NOMO1: variants seen among roughly 807,000 people sequenced by gnomAD.
NOMO1 encodes nodal modulator 3.
A neutral mutation model predicts 133.8 loss-of-function variants in NOMO1; 40 were observed. That is an observed-to-expected ratio of 0.30 (90% CI 0.23 to 0.39). The LOEUF is 0.39. Ranked by LOEUF, NOMO1 falls within the 10% of genes least tolerant of loss-of-function variation. The probability of loss-of-function intolerance (pLI) is 1.00; values close to 1 mark genes in which losing one functional copy is unlikely to be tolerated. For missense variants in NOMO1, 462 were observed against 1,419.9 expected, an observed-to-expected ratio of 0.33 and a Z score of 10.84; for synonymous variants, 236 against 570.5, an observed-to-expected ratio of 0.41 and a Z score of 8.36.
At chr16:14,878,130 C>A (rs962533143) in intron 22 of NOMO1, among the ~76,000 whole-genome samples, 3 of 151,088 alleles carry the variant, frequency 2.0e-5, no homozygotes, top group African/African-American at 4.9e-5. Flanking sequence ...TTCACCTCCT[C>A]CACCCACTCA....
intron 4 of NOMO1, among the ~76,000 whole-genome samples, chr16:14,846,303 A>T (rs1423892583): frequency 6.6e-6 from 1 of 151,396 alleles, no homozygotes; most frequent in Non-Finnish European, 1.5e-5. Context: ...CTAGGATTAC[A>T]GGCGTGAACC....
intron 9 of NOMO1, among the ~76,000 whole-genome samples, chr16:14,855,976 G>GA (rs1396458316): frequency 1.3e-5 from 2 of 150,608 alleles, no homozygotes; most frequent in South Asian, 2.1e-4. Flanking sequence ...ACCATTTGCT[G>GA]AAAAAAAAAT....
At chr16:14,839,811 G>A (rs1597090841) in intron 2 of NOMO1, among the ~76,000 whole-genome samples, 1 of 150,748 alleles carries the variant, frequency 6.6e-6, no homozygotes. Flanking sequence ...GCGCGATCTC[G>A]GCTCACTGCA....
intron 25 of NOMO1, 71 bp from the exon 26 acceptor site, chr16:14,882,523 A>G: frequency 6.2e-7 from 1 of 1,610,598 alleles, no homozygotes; most frequent in East Asian, 2.2e-5. Flanking sequence ...CGTGCAGCCA[A>G]ACCAGGCTTG....
Position 14,866,697 on chromosome 16 carries a change from T to C in NOMO1, c.1806+6T>C. ...TGTCTCACGCCATCACTCTGGTATGTACGGCTTATTGAGTCTCTTATTTGG... is the reference window on the plus strand; with the variant it reads ...TGTCTCACGCCATCACTCTGGTATGCACGGCTTATTGAGTCTCTTATTTGG... On this transcript the variant is annotated splice_donor_region_variant and intron_variant, in intron 15 of 30. Coordinates refer to ENST00000287667, the MANE Select transcript of NOMO1 (RefSeq NM_014287.4). 1 of 1,610,024 alleles carries C rather than the reference T, an allele frequency of 6.2e-7. No homozygotes were observed. The highest frequency in any genetic ancestry group is 8.5e-7 in the Non-Finnish European group (1 of 1,179,674).
At position 14,894,985 on chromosome 16, in the gene NOMO1, T is replaced by C. The variant is rs757938948; in HGVS notation, c.3445-13T>C. On this transcript the variant is annotated splice_polypyrimidine_tract_variant and intron_variant, in intron 29 of 30. Coordinates refer to ENST00000287667, the MANE Select transcript of NOMO1 (RefSeq NM_014287.4). ...GCCTTGGTGAGGAGTGATGGGGCTC[T>C]CGGTGTTTGCAGAGGAAGCTGCCTG... 6.2e-7 allele frequency: 1 copy of C among 1,611,770 alleles called. No homozygotes were observed. Among genetic ancestry groups the C allele is most frequent in the Non-Finnish European group, 8.5e-7 (1 of 1,179,790 alleles).
At position 14,886,746 on chromosome 16, in the gene NOMO1, T is replaced by C. The variant is rs1157547611; in HGVS notation, c.3223-15T>C. 6.2e-7 allele frequency: 1 copy of C among 1,611,140 alleles called. No individual in the cohort carries two copies. The highest frequency in any genetic ancestry group is 1.1e-5 in the South Asian group (1 of 90,918). On this transcript the variant is annotated splice_polypyrimidine_tract_variant and intron_variant, in intron 27 of 30. Transcript: ENST00000287667. ...TTCAGTTTCAAAGCATGTCTGACTT[T>C]GTTTCTCCCTCCAGGTCAAGCTTTA...
rs1964488130 is a variant in NOMO1 at position 14,895,747 on chromosome 16, CTT to C, written c.*103_*104del. 6.2e-7 allele frequency: 1 copy of C among 1,610,288 alleles called. No individual in the cohort carries two copies. The highest frequency in any genetic ancestry group is 1.3e-5 in the African/African-American group (1 of 74,686). ...AAAGCCAAAAGCATGCGTCAGCTAA[CTT>C]CAGCCTGTGCTGCTGGGCCCGCACC... On this transcript the variant is annotated 3_prime_UTR_variant, in exon 31 of 31. Transcript: ENST00000287667.
At chr16:14,862,107 A>T (rs985462089) in intron 11 of NOMO1, among the ~76,000 whole-genome samples, 2 of 151,742 alleles carry the variant, frequency 1.3e-5, no homozygotes, top group African/African-American at 4.9e-5. Context: ...CCAACATTTA[A>T]TGTACCCCTA....
At chr16:14,849,978 C>T (rs1963733837) in intron 6 of NOMO1, among the ~76,000 whole-genome samples, 1 of 146,646 alleles carries the variant, frequency 6.8e-6, no homozygotes, top group African/African-American at 2.6e-5. Flanking sequence ...TGGCTCATTG[C>T]AGCCTCTGGT....
chr16:14,838,601 G>T (rs1027661982), intron 2 of NOMO1, 105 bp downstream of exon 2: 6 of 1,137,338 alleles, frequency 5.3e-6, no homozygotes, highest in Non-Finnish European at 6.3e-6. Context: ...CATCTGTTTT[G>T]TAAATTATTA....
Position 14,867,680 on chromosome 16 carries a change from G to A in NOMO1, c.1807-868G>A, listed in dbSNP as rs571720876. Among the ~76,000 whole-genome samples, 202 of 148,716 alleles carry A rather than the reference G, an allele frequency of 1.4e-3. 1 individual carries two copies. The highest frequency in any genetic ancestry group is 3.3e-3 in the African/African-American group (133 of 40,542). On this transcript the variant is annotated intron_variant, in intron 15 of 30. Transcript: ENST00000287667. ...ATGTCGAGCGGCGGCAGATGTCATC[G>A]TCAGGTCTTAGTTTCTCTGTAGAGA...
At chr16:14,850,061 G>GC (rs1478679200) in intron 6 of NOMO1, among the ~76,000 whole-genome samples, 1 of 151,242 alleles carries the variant, frequency 6.6e-6, no homozygotes, top group Non-Finnish European at 1.5e-5. Flanking sequence ...ACTGCCCCTA[G>GC]CTAAGGATAC....
chr16:14,878,021 G>T (rs1418825580), intron 22 of NOMO1, among the ~76,000 whole-genome samples: 4 of 149,066 alleles, frequency 2.7e-5, no homozygotes, highest in Non-Finnish European at 4.5e-5. Context: ...CTATGCAGTA[G>T]TTAAGAAACA....
intron 29 of NOMO1, among the ~76,000 whole-genome samples, chr16:14,892,405 G>A (rs1382032911): frequency 1.3e-5 from 2 of 151,514 alleles, no homozygotes; most frequent in Admixed American, 6.6e-5. Flanking sequence ...CAACTCATCC[G>A]GGCTCAGGGA....
At chr16:14,843,220 A>G (rs1319365666) in intron 3 of NOMO1, among the ~76,000 whole-genome samples, 1 of 140,248 alleles carries the variant, frequency 7.1e-6, no homozygotes, top group Non-Finnish European at 1.5e-5. Flanking sequence ...CGCCTGGCCT[A>G]TATTTATATT....
intron 11 of NOMO1, among the ~76,000 whole-genome samples, chr16:14,859,742 A>T (rs1159975929): frequency 3.9e-5 from 6 of 152,156 alleles, no homozygotes; most frequent in Admixed American, 1.3e-4. Context: ...ACAAGATTTT[A>T]AAAAAAGACA....
chr16:14,856,709 G>T (rs549756447), intron 9 of NOMO1, among the ~76,000 whole-genome samples: 2 of 152,100 alleles, frequency 1.3e-5, no homozygotes, highest in East Asian at 3.9e-4. Context: ...ACTGCGCCTG[G>T]CCTAGGTGGA....
intron 5 of NOMO1, among the ~76,000 whole-genome samples, 168 bp downstream of exon 5, chr16:14,846,851 G>A (rs1489835168): frequency 6.6e-6 from 1 of 150,980 alleles, no homozygotes; most frequent in African/African-American, 2.4e-5. Flanking sequence ...CATGTGAAAT[G>A]GAATCCATTT....
Sources: gnomAD v4.1 joint callset for allele counts (sites outside exome capture counted in the v4.1 genomes callset) on GRCh38, gnomAD v4.1.1 for gene constraint, MANE v1.5 for transcripts, NCBI Gene and HGNC (gene_info 2026-07-23, HGNC 2026-07-21) for gene names.